The following CROCC2 variants were observed in gnomAD, a reference collection of about 807,000 sequenced individuals.
CROCC2 encodes ciliary rootlet coiled-coil protein 2.
In CROCC2, 163 loss-of-function variants were observed where a neutral mutation model predicts 177.6. That is an observed-to-expected ratio of 0.92 (90% CI 0.81 to 1.05). CROCC2 has a LOEUF of 1.05. Among genes scored for constraint, CROCC2 ranks in the 50% least tolerant of loss-of-function variants. The probability of loss-of-function intolerance (pLI) is 0.00; values close to 1 mark genes in which losing one functional copy is unlikely to be tolerated. For synonymous variants in CROCC2, 904 were observed against 787.3 expected, an observed-to-expected ratio of 1.15 and a Z score of -2.48; for missense variants, 1,929 against 1,797.8, an observed-to-expected ratio of 1.07 and a Z score of -1.32.
In CROCC2 at chr2:240,972,082, G is replaced by A. The variant is rs75914386; in HGVS notation, c.4401+3820G>A. Reference sequence around the variant, plus strand: ...ACTCTCAGATCTGATTCCTCAGATCGACTTTATTTTCTCAAACCCCAGTGG... The same window carrying A: ...ACTCTCAGATCTGATTCCTCAGATCAACTTTATTTTCTCAAACCCCAGTGG... On this transcript the variant is annotated intron_variant, in intron 27 of 31. Transcript: ENST00000690015. The surrounding 1 kb of genome is among the most constrained non-coding windows in gnomAD (Gnocchi z 7.1). Among the ~76,000 whole-genome samples, 18 of 152,146 alleles carry A rather than the reference G, an allele frequency of 1.2e-4. No individual in the cohort carries two copies. In the South Asian group the frequency reaches 1.9e-3, roughly 16 times the overall value.
chr2:240,969,264 C>T (rs935258324), intron 27 of CROCC2, among the ~76,000 whole-genome samples: 6 of 152,184 alleles, frequency 3.9e-5, no homozygotes, highest in African/African-American at 7.2e-5. Flanking sequence ...CTGTTCCACG[C>T]GGGGCTCAGC....
At position 240,964,517 on chromosome 2, in the gene CROCC2, G is replaced by A. The variant is rs1311205529; in HGVS notation, c.3357G>A (p.Glu1119=). ...AGCAGAAGCTGCTCATCCTGGAGGA[G>A]GCCCAGGCGGCGTTGCAGCAGGAGG... ...EKEQKLLILE[E]AQAALQQEAS... The change falls in exon 22 of 32, where the codon GAG becomes GAA. Residue 1119 remains glutamate (E), a synonymous_variant. Coordinates refer to ENST00000690015, the MANE Select transcript of CROCC2 (RefSeq NM_001351305.2). 1 of 1,549,284 alleles carries A rather than the reference G, an allele frequency of 6.5e-7. No homozygotes were observed. Among genetic ancestry groups the A allele is most frequent in the Non-Finnish European group, 8.7e-7 (1 of 1,146,880 alleles).
intron 6 of CROCC2, among the ~76,000 whole-genome samples, 189 bp downstream of exon 6, chr2:240,930,458 G>A (rs189326248): frequency 1.3e-5 from 2 of 152,260 alleles, no homozygotes; most frequent in East Asian, 1.9e-4. Flanking sequence ...GGGCAGCCTA[G>A]GAGGGCAGTA....
intron 28 of CROCC2, chr2:240,983,511 C>T: frequency 8.0e-7 from 1 of 1,243,590 alleles, no homozygotes; most frequent in Non-Finnish European, 1.0e-6. Flanking sequence ...GAGCAGACGG[C>T]GGCGCTGCGC....
At chr2:240,964,112 C>G (rs1574783350) in intron 21 of CROCC2, 2 of 534,630 alleles carry the variant, frequency 3.7e-6, no homozygotes, top group Non-Finnish European at 6.7e-6. Context: ...CTAGAAAGGC[C>G]CCTGTGGGGC....
In CROCC2 at chr2:240,960,883, G is replaced by C. The variant is rs1469772695; in HGVS notation, c.3087+1439G>C. 7.2e-6 allele frequency among the ~76,000 whole-genome samples: 1 copy of C among 138,866 alleles called. No homozygotes were observed. Among genetic ancestry groups the C allele is most frequent in the South Asian group, 2.5e-4 (1 of 3,928 alleles). The allele number at this position is 138,866 out of a possible 152,430, so 91.1% of individuals were successfully genotyped here. A position where few individuals can be genotyped will look rare whatever the true frequency, so the allele number is the denominator to read the frequency against. On this transcript the variant is annotated intron_variant, in intron 20 of 31. Transcript: ENST00000690015. The surrounding 1 kb of genome is among the most constrained non-coding windows in gnomAD (Gnocchi z 5.0). ...CAGGCCCGGTCAGCGACCACACGGG[G>C]AAGCAAAACGAGATTGCAAAACTGG...
rs1461812468 is a variant in CROCC2, at chr2:240,933,902, C to T, written c.1646+50C>T. ...AGGGCCCCTCCCACAGAAGAGACCC[C>T]ACTCTGCCACCATCAGCCACTTGGC... On this transcript the variant is annotated intron_variant, in intron 11 of 31. Transcript: ENST00000690015. The T allele has an allele frequency of 3.3e-6, 5 of 1,508,364 alleles. No individual in the cohort carries two copies. In the Admixed American group the frequency reaches 1.0e-4, roughly 31 times the overall value. The allele number at this position is 1,508,364 out of a possible 1,614,324, so 93.4% of individuals were successfully genotyped here. A position where few individuals can be genotyped will look rare whatever the true frequency, so the allele number is the denominator to read the frequency against.
At position 240,949,437 on chromosome 2, in the gene CROCC2, A is replaced by C. The variant is rs946072795; in HGVS notation, c.2483-96A>C. The C allele has an allele frequency of 7.0e-6, 10 of 1,418,516 alleles. No individual in the cohort carries two copies. In the African/African-American group the frequency reaches 1.1e-4, roughly 16 times the overall value. The allele number at this position is 1,418,516 out of a possible 1,614,324, so 87.9% of individuals were successfully genotyped here. A position where few individuals can be genotyped will look rare whatever the true frequency, so the allele number is the denominator to read the frequency against. ...CCCACTCCCGGAGCCTGGAGTGGAC[A>C]GTGCTTGCCCCCAAGACTGTCACTC... On this transcript the variant is annotated intron_variant, in intron 16 of 31. Coordinates refer to ENST00000690015, the MANE Select transcript of CROCC2 (RefSeq NM_001351305.2). This position sits in a 1 kb window ranked among gnomAD's most constrained non-coding sequence, Gnocchi z 4.5.
At chr2:240,989,901 T>G in intron 30 of CROCC2, 68 bp downstream of exon 30, 3 of 1,434,838 alleles carry the variant, frequency 2.1e-6, no homozygotes, top group Non-Finnish European at 2.8e-6. Flanking sequence ...ATCCCCGCAG[T>G]CACCCAGTAG....
rs575805083 is a variant in CROCC2, at chr2:240,991,922, A to C, written c.4946+644A>C. 1.6e-4 allele frequency among the ~76,000 whole-genome samples: 24 copies of C among 152,256 alleles called. No individual in the cohort carries two copies. In the South Asian group the frequency reaches 4.2e-3, roughly 26 times the overall value. On this transcript the variant is annotated intron_variant, in intron 31 of 31. Coordinates refer to ENST00000690015, the MANE Select transcript of CROCC2 (RefSeq NM_001351305.2). Reference sequence around the variant, plus strand: ...ACGCCCAGCGGCTGTGAGCCTCCGCATCCAGGAACTGCGGCCGTCACGGTG... The same window carrying C: ...ACGCCCAGCGGCTGTGAGCCTCCGCCTCCAGGAACTGCGGCCGTCACGGTG...
At chr2:240,950,190 TG>T (rs1020487961) in intron 17 of CROCC2, 143 bp from the exon 18 acceptor site, 2 of 723,556 alleles carry the variant, frequency 2.8e-6, no homozygotes, top group Non-Finnish European at 2.3e-6. Context: ...GGGGAAGACG[TG>T]GGGGGTGTGC....
At chr2:240,950,622 C>A in intron 18 of CROCC2, 112 bp downstream of exon 18, 1 of 1,059,402 alleles carries the variant, frequency 9.4e-7, no homozygotes, top group South Asian at 1.7e-5. Context: ...CAACCGCCTA[C>A]CCACCCATCC....
chr2:240,925,804 G>A lies in CROCC2; in HGVS notation c.569G>A (p.Arg190Gln), dbSNP rs1012043073. Reference sequence around the variant, plus strand: ...AAGAAGGCCAATGACGCGCTGGGCCGGGAGCTGGCCGGGATGACGGGCAGC... The same window carrying A: ...AAGAAGGCCAATGACGCGCTGGGCCAGGAGCTGGCCGGGATGACGGGCAGC... ...HMKKANDALG[R>Q]ELAGMTGSVQ... is the part of the protein sequence containing the mutation. The change falls in exon 5 of 32, where the codon CGG (arginine) becomes CAG (glutamine). Residue 190 changes from arginine (R) to glutamine (Q), a missense_variant. This residue lies in a region of CROCC2 where 1,397 missense variants were observed against 1,239.9 expected (regional missense o/e 1.13). Transcript: ENST00000690015. 10 of 716,788 alleles carry A rather than the reference G, an allele frequency of 1.4e-5. No individual in the cohort carries two copies. Among genetic ancestry groups the A allele is most frequent in the Admixed American group, 4.0e-5 (2 of 49,992 alleles). 44.4% of individuals were successfully genotyped at this position (716,788 alleles called of 1,614,324 possible). A position where few individuals can be genotyped will look rare whatever the true frequency, so the allele number is the denominator to read the frequency against.
At chr2:240,967,288 C>T in intron 25 of CROCC2, 57 bp from the exon 26 acceptor site, 1 of 619,886 alleles carries the variant, frequency 1.6e-6, no homozygotes. Context: ...TAGCAGACAC[C>T]TTGGCCCTCC....
intron 3 of CROCC2, among the ~76,000 whole-genome samples, chr2:240,921,072 T>C (rs1189338830): frequency 6.6e-6 from 1 of 152,190 alleles, no homozygotes; most frequent in East Asian, 1.9e-4. Flanking sequence ...CCACCATTAC[T>C]GGGGCTGAGA....
chr2:240,961,073 G>A (rs1000305174), intron 20 of CROCC2, among the ~76,000 whole-genome samples: 7 of 151,958 alleles, frequency 4.6e-5, no homozygotes, highest in South Asian at 4.2e-4. Context: ...AGCTGAGGAC[G>A]GTTAAGGGGG....
chr2:240,958,385 A>G lies in CROCC2; in HGVS notation c.2944-916A>G. 1 of 260,848 alleles carries G rather than the reference A, an allele frequency of 3.8e-6. No homozygotes were observed. The highest frequency in any genetic ancestry group is 1.4e-4 in the South Asian group (1 of 7,042). 16.2% of individuals were successfully genotyped at this position (260,848 alleles called of 1,614,324 possible). On this transcript the variant is annotated intron_variant, in intron 19 of 31. Transcript: ENST00000690015. This position sits in a 1 kb window ranked among gnomAD's most constrained non-coding sequence, Gnocchi z 6.7. ...CCAGAGAGACCAGAGGGGGTTGTAA[A>G]GAATGACGACAGGAGGCAGCAGCAT...
chr2:240,989,896 C>T (rs561663187), intron 30 of CROCC2, 63 bp downstream of exon 30: 7 of 1,440,612 alleles, frequency 4.9e-6, no homozygotes, highest in East Asian at 5.0e-5. Context: ...CTGGCATCCC[C>T]GCAGTCACCC....
In CROCC2 at chr2:240,959,160, C is replaced by T. The variant is rs555714682; in HGVS notation, c.2944-141C>T. ...TTAGGAAACCAAGGGCCAGTTACCC[C>T]GGGGCTTGCACGATCAGCAGGACCC... is the stretch of plus-strand genomic sequence containing the variant. On this transcript the variant is annotated intron_variant, in intron 19 of 31. Transcript: ENST00000690015. 4.5e-4 allele frequency: 442 copies of T among 973,108 alleles called. 4 individuals carry two copies. In the South Asian group the frequency reaches 7.6e-3, roughly 17 times the overall value. 60.3% of individuals were successfully genotyped at this position (973,108 alleles called of 1,614,324 possible). A position where few individuals can be genotyped will look rare whatever the true frequency, so the allele number is the denominator to read the frequency against.
Sources: allele counts gnomAD v4.1 joint callset (sites outside exome capture counted in the v4.1 genomes callset), GRCh38; gene constraint gnomAD v4.1.1; regional missense constraint gnomAD v4.1.1; non-coding constraint Gnocchi (gnomAD v3.1); transcripts MANE v1.5; gene names NCBI Gene and HGNC (gene_info 2026-07-23, HGNC 2026-07-21).